The following DLGAP4 variants were observed in gnomAD, a reference collection of about 807,000 sequenced individuals.
The protein encoded by DLGAP4 is disks large-associated protein 4.
A neutral mutation model predicts 86.9 loss-of-function variants in DLGAP4; 18 were observed. The ratio of observed to expected loss-of-function variants is 0.21; its 90% CI spans 0.14 to 0.31. The LOEUF is 0.31. DLGAP4 is among the 10% of genes least tolerant of loss of function. The pLI is 1.00. For synonymous variants in DLGAP4, 548 were observed against 574.3 expected, an observed-to-expected ratio of 0.95 and a Z score of 0.65; for missense variants, 1,085 against 1,362.6, an observed-to-expected ratio of 0.80 and a Z score of 3.21.
At chr20:36,426,690 T>A (rs538575119) in intron 2 of DLGAP4, among the ~76,000 whole-genome samples, 1 of 152,246 alleles carries the variant, frequency 6.6e-6, no homozygotes, top group South Asian at 2.1e-4. Flanking sequence ...CCCCACTGAA[T>A]TGCACGCTTA....
At chr20:36,499,004 G>A (rs777054094) in intron 8 of DLGAP4, 26 of 519,076 alleles carry the variant, frequency 5.0e-5, no homozygotes, top group Non-Finnish European at 8.3e-5. Flanking sequence ...CAGGGACTTC[G>A]GTGGCTCCTG....
At chr20:36,388,317 C>T (rs2031670188) in intron 2 of DLGAP4, among the ~76,000 whole-genome samples, 1 of 152,180 alleles carries the variant, frequency 6.6e-6, no homozygotes, top group Non-Finnish European at 1.5e-5. Context: ...CAGCCCACTC[C>T]TTTGTGTGTG....
intron 7 of DLGAP4, among the ~76,000 whole-genome samples, chr20:36,487,076 G>T (rs1312899741): frequency 6.6e-6 from 1 of 152,228 alleles, no homozygotes; most frequent in African/African-American, 2.4e-5. Flanking sequence ...GCTGGTCTCT[G>T]TTAGCTGTGC....
rs1434097426 is a variant in DLGAP4, at chr20:36,496,782, G to A, written c.1726G>A (p.Val576Ile). 3 of 1,614,150 alleles carry A rather than the reference G, an allele frequency of 1.9e-6. 1 individual carries two copies. Among genetic ancestry groups the A allele is most frequent in the Middle Eastern group, 1.7e-4 (1 of 6,058 alleles). The change falls in exon 8 of 13, where the codon GTC becomes ATC. Residue 576 changes from valine to isoleucine, a missense_variant. Val to Ile is a conservative substitution (Grantham distance 29). Transcript: ENST00000339266. ...PRTTSKPFIS[V>I]TVQSSTESAQ... Reference sequence around the variant, plus strand: ...CACCACTTCAAAGCCGTTCATCTCAGTCACAGTCCAGAGCAGTACTGAGTC... The same window carrying A: ...CACCACTTCAAAGCCGTTCATCTCAATCACAGTCCAGAGCAGTACTGAGTC...
chr20:36,377,041 T>C (rs2031183865), intron 2 of DLGAP4, among the ~76,000 whole-genome samples: 1 of 151,920 alleles, frequency 6.6e-6, no homozygotes, highest in African/African-American at 2.4e-5. Context: ...GGACCTGGAG[T>C]GTGTTGCCTG....
At chr20:36,434,607 G>A (rs1389124558) in intron 3 of DLGAP4, among the ~76,000 whole-genome samples, 2 of 152,170 alleles carry the variant, frequency 1.3e-5, no homozygotes, top group African/African-American at 2.4e-5. Flanking sequence ...GAGCAGTGAT[G>A]TACAAGGCCA....
Position 36,488,620 on chromosome 20 carries a change from G to A in DLGAP4, c.1649-8085G>A, listed in dbSNP as rs930021083. 3.3e-5 allele frequency among the ~76,000 whole-genome samples: 5 copies of A among 150,922 alleles called. No homozygotes were observed. In the South Asian group the frequency reaches 1.0e-3, roughly 32 times the overall value. On this transcript the variant is annotated intron_variant, in intron 7 of 12. Transcript: ENST00000339266. ...TTGAGACAGGGTCTCTTGTTGCCCAGGCTAGAGTGTGCAGTGGTGCAATCT... is the reference window on the plus strand; with the variant it reads ...TTGAGACAGGGTCTCTTGTTGCCCAAGCTAGAGTGTGCAGTGGTGCAATCT...
intron 1 of DLGAP4, among the ~76,000 whole-genome samples, chr20:36,310,825 G>A (rs1409749968): frequency 6.6e-6 from 1 of 152,180 alleles, no homozygotes; most frequent in Non-Finnish European, 1.5e-5. Flanking sequence ...AAGGGAGTGA[G>A]GGTGCTGGAG....
intron 2 of DLGAP4, among the ~76,000 whole-genome samples, chr20:36,367,878 C>A (rs976774483): frequency 1.3e-5 from 2 of 152,220 alleles, no homozygotes; most frequent in African/African-American, 4.8e-5. Flanking sequence ...ATCTTTTCTT[C>A]ACCTTCCGCC....
At chr20:36,511,692 T>A (rs1192219628) in intron 10 of DLGAP4, among the ~76,000 whole-genome samples, 1 of 151,774 alleles carries the variant, frequency 6.6e-6, no homozygotes, top group Non-Finnish European at 1.5e-5. Flanking sequence ...CTGGCCAACA[T>A]GGTGAAACCC....
chr20:36,330,244 G>T (rs1234295601), intron 1 of DLGAP4, among the ~76,000 whole-genome samples: 1 of 152,184 alleles, frequency 6.6e-6, no homozygotes, highest in Non-Finnish European at 1.5e-5. Flanking sequence ...GATGGGCCAG[G>T]CCAGAGGAGG....
intron 1 of DLGAP4, among the ~76,000 whole-genome samples, chr20:36,327,208 C>T (rs1247052669): frequency 2.0e-5 from 3 of 151,836 alleles, no homozygotes; most frequent in Non-Finnish European, 4.4e-5. Flanking sequence ...CCATGTTGGC[C>T]GGGCTGGTCT....
intron 3 of DLGAP4, among the ~76,000 whole-genome samples, chr20:36,433,663 T>C (rs907548778): frequency 6.6e-6 from 1 of 151,734 alleles, no homozygotes; most frequent in Admixed American, 6.6e-5. Flanking sequence ...TTTTTTTTTT[T>C]AGACAGAGTT....
chr20:36,459,623 T>C (rs772716925), intron 7 of DLGAP4, among the ~76,000 whole-genome samples: 1 of 152,188 alleles, frequency 6.6e-6, no homozygotes, highest in Non-Finnish European at 1.5e-5. Flanking sequence ...TTAATTTTTT[T>C]TGAAACGGAG....
At chr20:36,509,041 G>C (rs1313385498) in intron 10 of DLGAP4, among the ~76,000 whole-genome samples, 1 of 152,204 alleles carries the variant, frequency 6.6e-6, no homozygotes, top group East Asian at 1.9e-4. Context: ...TAGAGAAGCT[G>C]TGCATATTTT....
rs1182539450 is a variant in DLGAP4, at chr20:36,528,177, C to A, written c.*1146C>A. On this transcript the variant is annotated 3_prime_UTR_variant, in exon 13 of 13. Transcript: ENST00000339266. ...TCCACCCCCCTCCCCCCGCCCCGCA[C>A]TCCTAAGGGCCCATCTGCCCAGCCT... The A allele has an allele frequency of 3.3e-5, 5 of 151,256 alleles. No individual in the cohort carries two copies. In the East Asian group the frequency reaches 9.7e-4, roughly 29 times the overall value. The allele number at this position is 151,256 out of a possible 1,614,324, so 9.4% of individuals were successfully genotyped here.
intron 1 of DLGAP4, among the ~76,000 whole-genome samples, chr20:36,351,024 C>T (rs963217783): frequency 2.6e-5 from 4 of 152,266 alleles, no homozygotes; most frequent in African/African-American, 9.6e-5. Context: ...CAGCGTGTGC[C>T]GCCTGCCCTC....
rs1202907721 is a variant in DLGAP4, at chr20:36,527,647, C to T, written c.*616C>T. ...GCTCACACACAACCTCACGCGCACA[C>T]ACACACACGCAGATGGAGGCGCCTC... is the stretch of plus-strand genomic sequence containing the variant. On this transcript the variant is annotated 3_prime_UTR_variant, in exon 13 of 13. Transcript: ENST00000339266. 1 of 148,322 alleles carries T rather than the reference C, an allele frequency of 6.7e-6. No homozygotes were observed. Among genetic ancestry groups the T allele is most frequent in the Non-Finnish European group, 1.5e-5 (1 of 65,142 alleles). The allele number at this position is 148,322 out of a possible 1,614,324, so 9.2% of individuals were successfully genotyped here.
At chr20:36,467,080 G>A (rs961764610) in intron 7 of DLGAP4, among the ~76,000 whole-genome samples, 7 of 113,234 alleles carry the variant, frequency 6.2e-5, no homozygotes, top group African/African-American at 1.6e-4. Context: ...CCCTTCTCTC[G>A]GCCCTGCCTT....
Sources: allele counts gnomAD v4.1 joint callset (sites outside exome capture counted in the v4.1 genomes callset), GRCh38; gene constraint gnomAD v4.1.1; transcripts MANE v1.5; gene names NCBI Gene and HGNC (gene_info 2026-07-23, HGNC 2026-07-21).